Variants in PRMT5 observed in about 807,000 individuals in gnomAD.
The protein encoded by PRMT5 is protein arginine N-methyltransferase 5.
In PRMT5, 15 loss-of-function variants were observed where a neutral mutation model predicts 84.0. That is an observed-to-expected ratio of 0.18 (90% CI 0.12 to 0.28). The LOEUF (loss-of-function observed/expected upper bound fraction) is 0.28, where lower values mean the gene tolerates loss of function less well. PRMT5 is among the 10% of genes least tolerant of loss of function. PRMT5 has a pLI of 1.00. For synonymous variants in PRMT5, 276 were observed against 292.4 expected, an observed-to-expected ratio of 0.94 and a Z score of 0.57; for missense variants, 486 against 808.0, an observed-to-expected ratio of 0.60 and a Z score of 4.83.
At chr14:22,927,120 C>T (rs984834486) in intron 4 of PRMT5, among the ~76,000 whole-genome samples, 4 of 144,356 alleles carry the variant, frequency 2.8e-5, no homozygotes, top group Non-Finnish European at 6.0e-5. Context: ...AGGTCTGGCT[C>T]TGTCACCCAG....
chr14:22,929,183 T>G (rs1428766653), intron 1 of PRMT5, 69 bp downstream of exon 1: 2 of 1,614,080 alleles, frequency 1.2e-6, no homozygotes, highest in East Asian at 2.2e-5. Flanking sequence ...TTCTCCGGGA[T>G]GACTAGTCTG....
Position 22,923,996 on chromosome 14 carries a change from A to T in PRMT5, c.1375+12T>A. Reference sequence around the variant, plus strand: ...ATCATCACCCTCCACCTACACCCCAACCTGGGGGCACCTTTTAGGAAGTGC... The same window carrying T: ...ATCATCACCCTCCACCTACACCCCATCCTGGGGGCACCTTTTAGGAAGTGC... On this transcript the variant is annotated intron_variant, in intron 12 of 16. Coordinates refer to ENST00000324366, the MANE Select transcript of PRMT5 (RefSeq NM_006109.5). This position sits in a 1 kb window ranked among gnomAD's most constrained non-coding sequence, Gnocchi z 5.2. The T allele has an allele frequency of 6.5e-7, 1 of 1,541,436 alleles. No homozygotes were observed. The highest frequency in any genetic ancestry group is 8.7e-7 in the Non-Finnish European group (1 of 1,146,528).
Position 22,928,742 on chromosome 14 carries a change from G to GAA in PRMT5, c.111-128_111-127insTT. 1 of 793,772 alleles carries GAA rather than the reference G, an allele frequency of 1.3e-6. No individual in the cohort carries two copies. Among genetic ancestry groups the GAA allele is most frequent in the Non-Finnish European group, 2.2e-6 (1 of 455,344 alleles). The allele number at this position is 793,772 out of a possible 1,614,324, so 49.2% of individuals were successfully genotyped here. On this transcript the variant is annotated intron_variant, in intron 1 of 16. Coordinates refer to ENST00000324366, the MANE Select transcript of PRMT5 (RefSeq NM_006109.5). This position sits in a 1 kb window ranked among gnomAD's most constrained non-coding sequence, Gnocchi z 4.8. ...TGCCATCAGTTCAGCCTACTAGGCT[G>GAA]CTGAGTTCAGACCACCTTGGGGGAT...
At chr14:22,922,111 AAAG>A in intron 16 of PRMT5, 62 bp downstream of exon 16, 1 of 1,369,040 alleles carries the variant, frequency 7.3e-7, no homozygotes, top group Non-Finnish European at 1.0e-6. Context: ...TGGGAGAAGG[AAAG>A]AAGCACAACA....
rs1444442680 is a variant in PRMT5 at position 22,922,763 on chromosome 14, T to C, written c.1558A>G (p.Thr520Ala). Residue 520 changes from threonine to alanine, a missense_variant, in exon 14 of 17, where the codon ACC becomes GCC. Transcript: ENST00000324366. ...HQLSAPQPCFTFSHPNRDPMI... is the reference protein window; with the variant it reads ...HQLSAPQPCFAFSHPNRDPMI... ...CTACCTCTGTTGGGATGGCTGAAGG[T>C]GAAACAGGGCTGGGGTGCAGAGAGC... 2.5e-6 allele frequency: 4 copies of C among 1,613,578 alleles called. No homozygotes were observed. The African/African-American group carries it at 5.4e-5, about 22-fold the overall frequency.
Position 22,920,795 on chromosome 14 carries a change from C to T in PRMT5, c.*109G>A. ...GGCAGGAAAGCAGATTGAAATGCTC[C>T]TCTCTGATGGGCAAGGGGAATCACA... On this transcript the variant is annotated 3_prime_UTR_variant, in exon 17 of 17. Coordinates refer to ENST00000324366, the MANE Select transcript of PRMT5 (RefSeq NM_006109.5). The T allele has an allele frequency of 6.8e-7, 1 of 1,476,596 alleles. No homozygotes were observed. The highest frequency in any genetic ancestry group is 9.5e-7 in the Non-Finnish European group (1 of 1,055,464). 91.5% of individuals were successfully genotyped at this position (1,476,596 alleles called of 1,614,324 possible).
At position 22,923,559 on chromosome 14, in the gene PRMT5, G is replaced by A. The variant is rs921433622; in HGVS notation, c.1376-399C>T. On this transcript the variant is annotated intron_variant, in intron 12 of 16. Transcript: ENST00000324366. This position sits in a 1 kb window ranked among gnomAD's most constrained non-coding sequence, Gnocchi z 5.2. ...GATGGAGTCTCGCTCTGTTGCCCAG[G>A]CTGGAGTGCAGTGGCACAATCTCAG... Among the ~76,000 whole-genome samples, 1 of 151,812 alleles carries A rather than the reference G, an allele frequency of 6.6e-6. No homozygotes were observed. The highest frequency in any genetic ancestry group is 2.4e-5 in the African/African-American group (1 of 41,182).
intron 14 of PRMT5, 56 bp from the exon 15 acceptor site, chr14:22,922,615 T>C (rs759120229): frequency 2.6e-6 from 4 of 1,534,614 alleles, no homozygotes; most frequent in African/African-American, 1.4e-5. Context: ...GACAACTTGA[T>C]AAAGCATGAG....
chr14:22,929,158 C>T (rs1594524083), intron 1 of PRMT5, 94 bp downstream of exon 1: 3 of 1,613,720 alleles, frequency 1.9e-6, no homozygotes, highest in Non-Finnish European at 2.5e-6. Flanking sequence ...TCCTAGCCGA[C>T]CCCCTCACCC....
Position 22,923,080 on chromosome 14 carries a change from C to A in PRMT5, c.1456G>T (p.Ala486Ser). Residue 486 changes from alanine (A) to serine (S), a missense_variant, in exon 13 of 17, where the codon GCC (alanine) becomes TCC (serine). Coordinates refer to ENST00000324366, the MANE Select transcript of PRMT5 (RefSeq NM_006109.5). The surrounding 1 kb of genome is among the most constrained non-coding windows in gnomAD (Gnocchi z 5.2). ...GGGTCACGGTCCTTCTCCCTACAGGCTCGGACCTCATTGTACAGCTTGGAG... is the reference window on the plus strand; with the variant it reads ...GGGTCACGGTCCTTCTCCCTACAGGATCGGACCTCATTGTACAGCTTGGAG... ...SSSKLYNEVRACREKDRDPEA... is the reference protein window; with the variant it reads ...SSSKLYNEVRSCREKDRDPEA... 1 of 1,613,222 alleles carries A rather than the reference C, an allele frequency of 6.2e-7. No individual in the cohort carries two copies. The highest frequency in any genetic ancestry group is 8.5e-7 in the Non-Finnish European group (1 of 1,179,628).
Position 22,928,975 on chromosome 14 carries a change from A to T in PRMT5, c.110+277T>A. 1 of 672,292 alleles carries T rather than the reference A, an allele frequency of 1.5e-6. No homozygotes were observed. The highest frequency in any genetic ancestry group is 2.5e-6 in the Non-Finnish European group (1 of 405,646). The allele number at this position is 672,292 out of a possible 1,614,324, so 41.6% of individuals were successfully genotyped here. A position where few individuals can be genotyped will look rare whatever the true frequency, so the allele number is the denominator to read the frequency against. Reference sequence around the variant, plus strand: ...CCTCTTCTCTCCCTTGCCCCCTAACACCTCCTCCCACTCCCAGACAATAAT... The same window carrying T: ...CCTCTTCTCTCCCTTGCCCCCTAACTCCTCCTCCCACTCCCAGACAATAAT... On this transcript the variant is annotated intron_variant, in intron 1 of 16. Transcript: ENST00000324366. The surrounding 1 kb of genome is among the most constrained non-coding windows in gnomAD (Gnocchi z 4.8).
At position 22,922,599 on chromosome 14, in the gene PRMT5, G is replaced by C. The variant is rs772407731; in HGVS notation, c.1580-40C>G. On this transcript the variant is annotated intron_variant, in intron 14 of 16. Coordinates refer to ENST00000324366, the MANE Select transcript of PRMT5 (RefSeq NM_006109.5). ...TTATGTGGGTGACAAGGGGCCAGAA[G>C]CTCTAGACAACTTGATAAAGCATGA... 5.1e-6 allele frequency: 8 copies of C among 1,556,816 alleles called. No individual in the cohort carries two copies. The South Asian group carries it at 7.8e-5, about 15-fold the overall frequency.
rs557795920 is a variant in PRMT5 at position 22,922,690 on chromosome 14, A to G, written c.1579+52T>C. ...GACAGTAAGGGAAGAAAGCAGGAGG[A>G]AGGAAGAAGCCCGTACCCCTCTAGT... On this transcript the variant is annotated intron_variant, in intron 14 of 16. Transcript: ENST00000324366. 95 of 1,566,320 alleles carry G rather than the reference A, an allele frequency of 6.1e-5. No individual in the cohort carries two copies. In the East Asian group the frequency reaches 2.1e-3, roughly 35 times the overall value.
intron 16 of PRMT5, 75 bp from the exon 17 acceptor site, chr14:22,921,131 A>C: frequency 2.6e-6 from 4 of 1,553,698 alleles, no homozygotes; most frequent in Non-Finnish European, 3.5e-6. Context: ...GTAGGTGTGG[A>C]GATAAAATGA....
chr14:22,921,257 T>G, intron 16 of PRMT5: 2 of 622,922 alleles, frequency 3.2e-6, no homozygotes, highest in Admixed American at 6.1e-5. Context: ...AAAACACCTA[T>G]GAAAGGGAAC....
rs2044339577 is a variant in PRMT5 at position 22,923,066 on chromosome 14, C to T, written c.1470G>A (p.Lys490=). Residue 490 remains lysine (K), a synonymous_variant, in exon 13 of 17, where the codon AAG becomes AAA. Transcript: ENST00000324366. The surrounding 1 kb of genome is among the most constrained non-coding windows in gnomAD (Gnocchi z 5.2). ...GGTTCTTTACCTCAGGGTCACGGTC[C>T]TTCTCCCTACAGGCTCGGACCTCAT... ...LYNEVRACRE[K]DRDPEAQFEM... 1.2e-6 allele frequency: 2 copies of T among 1,611,254 alleles called. No individual in the cohort carries two copies. The highest frequency in any genetic ancestry group is 1.7e-6 in the Non-Finnish European group (2 of 1,178,488).
rs545739459 is a variant in PRMT5, at chr14:22,927,595, A to T, written c.381T>A (p.Asn127Lys). The change falls in exon 4 of 17, where the codon AAT becomes AAA. Residue 127 changes from asparagine (N) to lysine (K), a missense_variant. This residue lies in a region of PRMT5 where 215 missense variants were observed against 301.1 expected (regional missense o/e 0.71). Coordinates refer to ENST00000324366, the MANE Select transcript of PRMT5 (RefSeq NM_006109.5). Reference sequence around the variant, plus strand: ...TGGCCAGGTTGGTGTTATCTTCCTGATTAAGGGGCAGCAGGAAAGCTGGAA... The same window carrying T: ...TGGCCAGGTTGGTGTTATCTTCCTGTTTAAGGGGCAGCAGGAAAGCTGGAA... ...LGLPAFLLPL[N>K]QEDNTNLARV... 6.2e-7 allele frequency: 1 copy of T among 1,613,978 alleles called. No homozygotes were observed. Among genetic ancestry groups the T allele is most frequent in the Non-Finnish European group, 8.5e-7 (1 of 1,179,968 alleles).
intron 4 of PRMT5, 127 bp downstream of exon 4, chr14:22,927,399 G>GTA (rs2044446474): frequency 2.3e-6 from 3 of 1,331,866 alleles, no homozygotes; most frequent in Non-Finnish European, 3.1e-6. Context: ...ATCACCCACT[G>GTA]TGCCCGCCAA....
rs2044471336 is a variant in PRMT5, at chr14:22,928,264, C to G, written c.230-53G>C. On this transcript the variant is annotated intron_variant, in intron 2 of 16. Coordinates refer to ENST00000324366, the MANE Select transcript of PRMT5 (RefSeq NM_006109.5). This position sits in a 1 kb window ranked among gnomAD's most constrained non-coding sequence, Gnocchi z 4.8. ...ATACTGAATAAGGTTCAGCACTTTA[C>G]TTGTTCAATTTTTAGTTTTGGGAAT... 5 of 1,573,698 alleles carry G rather than the reference C, an allele frequency of 3.2e-6. No individual in the cohort carries two copies. In the East Asian group the frequency reaches 1.1e-4, roughly 35 times the overall value.
Sources: gnomAD v4.1 joint callset for allele counts (sites outside exome capture counted in the v4.1 genomes callset) on GRCh38, gnomAD v4.1.1 for gene constraint, gnomAD v4.1.1 regional missense constraint, Gnocchi (gnomAD v3.1) non-coding constraint, MANE v1.5 for transcripts, NCBI Gene and HGNC (gene_info 2026-07-23, HGNC 2026-07-21) for gene names.